SIPA1L3: variants seen among roughly 807,000 people sequenced by gnomAD.
The protein encoded by SIPA1L3 is signal-induced proliferation-associated 1-like protein 3.
In SIPA1L3, 59 loss-of-function variants were observed where a neutral mutation model predicts 150.1. That is an observed-to-expected ratio of 0.39 (90% CI 0.32 to 0.49). SIPA1L3 has a LOEUF of 0.49. SIPA1L3 is among the 20% of genes least tolerant of loss of function. SIPA1L3 has a pLI of 0.86. For synonymous variants in SIPA1L3, 1,070 were observed against 1,077.6 expected (o/e 0.99, Z 0.14); for missense variants, 2,211 against 2,489.5 (o/e 0.89, Z 2.38).
intron 12 of SIPA1L3, among the ~76,000 whole-genome samples, chr19:38,150,970 G>T (rs1331467898): frequency 6.6e-6 from 1 of 152,180 alleles, no homozygotes; most frequent in African/African-American, 2.4e-5. Flanking sequence ...TCACAGAAAA[G>T]GAAGCTCAGG....
intron 1 of SIPA1L3, among the ~76,000 whole-genome samples, chr19:38,012,458 G>C (rs1462496262): frequency 6.6e-6 from 1 of 152,116 alleles, no homozygotes; most frequent in Non-Finnish European, 1.5e-5. Flanking sequence ...TTCTGGTGCT[G>C]TACAGGGAAC....
chr19:38,111,110 AC>A lies in SIPA1L3; in HGVS notation c.2291+733del, dbSNP rs199893557. ...GCAGTCATAGCTCACTGCAGCCTTG[AC>A]CCCCCCGGGCTCAAACGATCCTCCT... On this transcript the variant is annotated intron_variant, in intron 8 of 21. Transcript: ENST00000222345. Among the ~76,000 whole-genome samples, 288 of 149,130 alleles carry A rather than the reference AC, an allele frequency of 1.9e-3. 1 individual carries two copies. Among genetic ancestry groups the A allele is most frequent in the African/African-American group, 6.8e-3 (275 of 40,386 alleles).
intron 2 of SIPA1L3, among the ~76,000 whole-genome samples, chr19:38,075,104 C>T (rs759317977): frequency 1.3e-5 from 2 of 152,188 alleles, no homozygotes; most frequent in Non-Finnish European, 2.9e-5. Flanking sequence ...GTTGGAACTG[C>T]GTGGATCTAT....
intron 1 of SIPA1L3, among the ~76,000 whole-genome samples, chr19:37,999,335 T>A (rs1967726791): frequency 6.6e-6 from 1 of 152,208 alleles, no homozygotes; most frequent in Admixed American, 6.5e-5. Flanking sequence ...GCTGCTCTTC[T>A]CCAGGGACCT....
chr19:37,952,337 A>C (rs188033515), intron 1 of SIPA1L3, among the ~76,000 whole-genome samples: 2 of 152,140 alleles, frequency 1.3e-5, no homozygotes, highest in African/African-American at 4.8e-5. Context: ...AGTCCTAAGT[A>C]ATACAGTAAT....
At chr19:38,150,328 G>A (rs1971791335) in intron 12 of SIPA1L3, among the ~76,000 whole-genome samples, 1 of 152,012 alleles carries the variant, frequency 6.6e-6, no homozygotes, top group South Asian at 2.1e-4. Flanking sequence ...TGTGCTCAGG[G>A]CATTGAAGCC....
chr19:38,041,620 G>GA (rs1968925973), intron 2 of SIPA1L3, among the ~76,000 whole-genome samples: 1 of 151,040 alleles, frequency 6.6e-6, no homozygotes, highest in Non-Finnish European at 1.5e-5. Flanking sequence ...TTTTAGTAGA[G>GA]ACGGGGTTTT....
chr19:38,089,626 C>T (rs1970218082), intron 4 of SIPA1L3, among the ~76,000 whole-genome samples: 2 of 152,222 alleles, frequency 1.3e-5, no homozygotes, highest in Admixed American at 6.5e-5. Flanking sequence ...GCTCAAGGTA[C>T]TCCCAATGTG....
chr19:38,042,825 A>C (rs1317565551), intron 2 of SIPA1L3, among the ~76,000 whole-genome samples: 1 of 152,078 alleles, frequency 6.6e-6, no homozygotes, highest in Non-Finnish European at 1.5e-5. Context: ...GCTTGACCTC[A>C]TTCATTCATT....
intron 15 of SIPA1L3, among the ~76,000 whole-genome samples, chr19:38,167,012 A>G (rs780612671): frequency 3.7e-4 from 56 of 152,074 alleles, no homozygotes; most frequent in Admixed American, 2.0e-4. Flanking sequence ...AGGCAAGCGG[A>G]TCACAAGGTC....
At chr19:38,078,811 G>A (rs753109247) in intron 2 of SIPA1L3, among the ~76,000 whole-genome samples, 3 of 152,160 alleles carry the variant, frequency 2.0e-5, no homozygotes, top group Non-Finnish European at 4.4e-5. Flanking sequence ...CACGGCTGCT[G>A]GGCAGTCAAC....
At position 38,206,384 on chromosome 19, in the gene SIPA1L3, CT is replaced by C; in HGVS notation, c.*145del. The C allele has an allele frequency of 1.0e-6, 1 of 975,708 alleles. No individual in the cohort carries two copies. The highest frequency in any genetic ancestry group is 1.5e-6 in the Non-Finnish European group (1 of 675,018). 60.4% of individuals were successfully genotyped at this position (975,708 alleles called of 1,614,324 possible). On this transcript the variant is annotated 3_prime_UTR_variant, in exon 22 of 22. Coordinates refer to ENST00000222345, the MANE Select transcript of SIPA1L3 (RefSeq NM_015073.3). ...CCATGGACACGGAAACTCCGATGGC[CT>C]CACTAGGGCTGTGAGTCAGGGTCAG...
chr19:38,205,981 C>G (rs1973201130), intron 21 of SIPA1L3, 116 bp from the exon 22 acceptor site: 1 of 1,238,392 alleles, frequency 8.1e-7, no homozygotes, highest in Non-Finnish European at 1.1e-6. Flanking sequence ...TGGCCTGGCT[C>G]TAGTGGTTGG....
chr19:37,923,695 T>C (rs1036820223), intron 1 of SIPA1L3, among the ~76,000 whole-genome samples: 28 of 152,114 alleles, frequency 1.8e-4, no homozygotes, highest in African/African-American at 6.8e-4. Flanking sequence ...CAATAATACA[T>C]TAACCGTAGC....
chr19:38,082,007 G>A lies in SIPA1L3; in HGVS notation c.442G>A (p.Asp148Asn). 6.2e-7 allele frequency: 1 copy of A among 1,614,208 alleles called. No individual in the cohort carries two copies. The highest frequency in any genetic ancestry group is 8.5e-7 in the Non-Finnish European group (1 of 1,180,018). ...CCGACTCTCCAGGAGAAGGTCCAAA[G>A]ACGTGGAGTTCCAGGACGGGTGGCC... ...FHRLSRRRSK[D>N]VEFQDGWPRS... The change falls in exon 3 of 22, where the codon GAC becomes AAC. Residue 148 changes from aspartate (D) to asparagine (N), a missense_variant. Asp to Asn is a conservative substitution (Grantham distance 23). Transcript: ENST00000222345.
intron 1 of SIPA1L3, among the ~76,000 whole-genome samples, chr19:38,014,135 G>A (rs199556661): frequency 3.9e-5 from 6 of 152,194 alleles, no homozygotes; most frequent in Non-Finnish European, 5.9e-5. Context: ...GCCTGTCTGC[G>A]AGCATCCTCC....
Position 38,088,744 on chromosome 19 carries a change from G to C in SIPA1L3, c.1558G>C (p.Asp520His). 6.2e-7 allele frequency: 1 copy of C among 1,614,042 alleles called. No individual in the cohort carries two copies. Among genetic ancestry groups the C allele is most frequent in the Non-Finnish European group, 8.5e-7 (1 of 1,179,930 alleles). ...AGAACATGCCAATTACTTCGGCGTGGATGAGAAGCTGGGGCCAGTGGCTGT... is the reference window on the plus strand; with the variant it reads ...AGAACATGCCAATTACTTCGGCGTGCATGAGAAGCTGGGGCCAGTGGCTGT... ...GKEHANYFGV[D>H]EKLGPVAVSI... Residue 520 changes from aspartate (D) to histidine (H), a missense_variant, in exon 4 of 22, where the codon GAT (aspartate) becomes CAT (histidine). Coordinates refer to ENST00000222345, the MANE Select transcript of SIPA1L3 (RefSeq NM_015073.3).
rs541357151 is a variant in SIPA1L3, at chr19:38,005,864, A to T, written c.-378-23225A>T. ...GGAGTTCGAGACCAGCCTGGACAAC[A>T]TGCTGAAACCCCATCTCTACAAACA... On this transcript the variant is annotated intron_variant, in intron 1 of 21. Transcript: ENST00000222345. 4.6e-5 allele frequency among the ~76,000 whole-genome samples: 7 copies of T among 152,218 alleles called. 1 individual carries two copies. The South Asian group carries it at 1.5e-3, about 32-fold the overall frequency.
chr19:38,174,110 G>A (rs905235350), intron 15 of SIPA1L3, among the ~76,000 whole-genome samples: 7 of 152,154 alleles, frequency 4.6e-5, no homozygotes, highest in African/African-American at 1.7e-4. Context: ...GAGGAAGAGG[G>A]AGCCAGGAGG....
Sources: allele counts gnomAD v4.1 joint callset (sites outside exome capture counted in the v4.1 genomes callset), GRCh38; gene constraint gnomAD v4.1.1; transcripts MANE v1.5; gene names NCBI Gene and HGNC (gene_info 2026-07-23, HGNC 2026-07-21).